MARCHF4: variants seen among roughly 807,000 people sequenced by gnomAD.
MARCHF4 encodes membrane associated ring-CH-type finger 4, also known as E3 ubiquitin-protein ligase MARCHF4.
A neutral mutation model predicts 43.9 loss-of-function variants in MARCHF4; 14 were observed. The ratio of observed to expected loss-of-function variants is 0.32; its 90% CI spans 0.21 to 0.50. The LOEUF is 0.50. Ranked by LOEUF, MARCHF4 falls within the 20% of genes least tolerant of loss-of-function variation. The pLI is 0.98. For synonymous variants in MARCHF4, 226 were observed against 213.3 expected, an observed-to-expected ratio of 1.06 and a Z score of -0.52; for missense variants, 468 against 536.7, an observed-to-expected ratio of 0.87 and a Z score of 1.27.
chr2:216,291,101 AGG>A (rs1469291806), intron 1 of MARCHF4, among the ~76,000 whole-genome samples: 2 of 152,262 alleles, frequency 1.3e-5, no homozygotes, highest in South Asian at 4.1e-4. Flanking sequence ...AGGAAAAGGA[AGG>A]GGTGCCAGAG....
rs929834759 is a variant in MARCHF4 at position 216,322,522 on chromosome 2, G to A, written c.517-38793C>T. 3.3e-5 allele frequency among the ~76,000 whole-genome samples: 5 copies of A among 152,228 alleles called. No homozygotes were observed. The East Asian group carries it at 5.8e-4, about 18-fold the overall frequency. ...GGGTCTTAGCAGTCATCAGATTATCGGATTAAGAACTGGTCTCGGCCAGGC... is the reference window on the plus strand; with the variant it reads ...GGGTCTTAGCAGTCATCAGATTATCAGATTAAGAACTGGTCTCGGCCAGGC... On this transcript the variant is annotated intron_variant, in intron 1 of 3. Transcript: ENST00000273067.
intron 2 of MARCHF4, among the ~76,000 whole-genome samples, chr2:216,279,170 G>C (rs1040143322): frequency 1.3e-5 from 2 of 152,204 alleles, no homozygotes; most frequent in Non-Finnish European, 2.9e-5. Flanking sequence ...AGCAATACTT[G>C]AGCTGACTAA....
chr2:216,335,894 C>T (rs1026189266), intron 1 of MARCHF4, among the ~76,000 whole-genome samples: 6 of 151,554 alleles, frequency 4.0e-5, no homozygotes, highest in South Asian at 4.2e-4. Flanking sequence ...ATGTTGAAAC[C>T]CCATCTCTAC....
In MARCHF4 at chr2:216,370,151, A is replaced by G. The variant is rs374271651; in HGVS notation, c.110T>C (p.Leu37Pro). The change falls in exon 1 of 4, where the codon CTC becomes CCC. Residue 37 changes from leucine (L) to proline (P), a missense_variant. This residue lies in a region of MARCHF4 where 190 missense variants were observed against 158.5 expected (regional missense o/e 1.20). Transcript: ENST00000273067. ...PAPQMLRHQG[L>P]LKCRCRMLFN... ...GAGCATGCGGCAGCGGCACTTGAGG[A>G]GACCCTGGTGGCGCAACATCTGGGG... 1.2e-6 allele frequency: 2 copies of G among 1,609,980 alleles called. No homozygotes were observed. The highest frequency in any genetic ancestry group is 2.2e-5 in the South Asian group (2 of 90,226).
At chr2:216,354,234 A>T (rs1489369478) in intron 1 of MARCHF4, among the ~76,000 whole-genome samples, 2 of 152,214 alleles carry the variant, frequency 1.3e-5, no homozygotes, top group Non-Finnish European at 2.9e-5. Context: ...AAATGCGGTG[A>T]GAGAGAGACA....
intron 1 of MARCHF4, among the ~76,000 whole-genome samples, chr2:216,338,163 TA>T (rs1692185636): frequency 1.3e-5 from 2 of 152,168 alleles, no homozygotes; most frequent in African/African-American, 4.8e-5. Flanking sequence ...CCAGCAATCA[TA>T]CCAAGCATCC....
chr2:216,295,449 G>C (rs1340771133), intron 1 of MARCHF4, among the ~76,000 whole-genome samples: 10 of 152,104 alleles, frequency 6.6e-5, no homozygotes. Flanking sequence ...TTGTAGAGAT[G>C]GGGTCTCGCC....
At chr2:216,361,492 A>G (rs1194168489) in intron 1 of MARCHF4, among the ~76,000 whole-genome samples, 3 of 151,978 alleles carry the variant, frequency 2.0e-5, no homozygotes, top group African/African-American at 7.3e-5. Context: ...TCTGCCCCTG[A>G]CCTCTAGGTA....
intron 1 of MARCHF4, among the ~76,000 whole-genome samples, chr2:216,327,695 G>A (rs1692017388): frequency 6.6e-6 from 1 of 152,184 alleles, no homozygotes; most frequent in Admixed American, 6.5e-5. Context: ...CATGAAATGA[G>A]ATAAGAAAGG....
At position 216,284,534 on chromosome 2, in the gene MARCHF4, C is replaced by T. The variant is rs190877563; in HGVS notation, c.517-805G>A. ...AGTCTGGAGTGCAGTGGCACGATTGCGGCTAACTGCAACCTTGATCTTCTG... is the reference window on the plus strand; with the variant it reads ...AGTCTGGAGTGCAGTGGCACGATTGTGGCTAACTGCAACCTTGATCTTCTG... On this transcript the variant is annotated intron_variant, in intron 1 of 3. Transcript: ENST00000273067. Among the ~76,000 whole-genome samples, 12 of 152,254 alleles carry T rather than the reference C, an allele frequency of 7.9e-5. No individual in the cohort carries two copies. The South Asian group carries it at 8.3e-4, about 11-fold the overall frequency.
intron 1 of MARCHF4, among the ~76,000 whole-genome samples, chr2:216,357,416 G>T (rs1222596382): frequency 6.6e-6 from 1 of 152,200 alleles, no homozygotes; most frequent in Non-Finnish European, 1.5e-5. Context: ...CTGCCTCTGG[G>T]TTCAAGCAAT....
At chr2:216,270,194 G>A (rs143750788) in intron 3 of MARCHF4, among the ~76,000 whole-genome samples, 1 of 152,120 alleles carries the variant, frequency 6.6e-6, no homozygotes, top group African/African-American at 2.4e-5. Flanking sequence ...TCCTGTCTCA[G>A]CCTCCTGAGT....
chr2:216,367,399 C>T (rs1371401170), intron 1 of MARCHF4, among the ~76,000 whole-genome samples: 1 of 151,400 alleles, frequency 6.6e-6, no homozygotes, highest in African/African-American at 2.4e-5. Flanking sequence ...TCTTCCTTTT[C>T]TAGAGTTTCC....
At chr2:216,296,587 A>C (rs1691399479) in intron 1 of MARCHF4, among the ~76,000 whole-genome samples, 1 of 152,208 alleles carries the variant, frequency 6.6e-6, no homozygotes, top group Admixed American at 6.5e-5. Context: ...GCAGAAAGTG[A>C]AAGCAGGGTC....
chr2:216,332,701 C>T (rs1031622741), intron 1 of MARCHF4, among the ~76,000 whole-genome samples: 28 of 152,114 alleles, frequency 1.8e-4, no homozygotes, highest in South Asian at 8.3e-4. Context: ...AATATAAAGA[C>T]GGTCGTCTCC....
At chr2:216,361,366 C>A (rs1053168141) in intron 1 of MARCHF4, among the ~76,000 whole-genome samples, 6 of 152,160 alleles carry the variant, frequency 3.9e-5, no homozygotes, top group Admixed American at 3.3e-4. Context: ...TCCATCCCAT[C>A]CCAGGCTTTC....
At chr2:216,294,253 G>A (rs898700924) in intron 1 of MARCHF4, among the ~76,000 whole-genome samples, 5 of 152,250 alleles carry the variant, frequency 3.3e-5, no homozygotes, top group South Asian at 2.1e-4. Flanking sequence ...TGCCTCTTAC[G>A]AGCAGCCTTC....
intron 1 of MARCHF4, among the ~76,000 whole-genome samples, chr2:216,324,129 G>T (rs2105965972): frequency 6.9e-6 from 1 of 145,694 alleles, no homozygotes; most frequent in East Asian, 2.0e-4. Flanking sequence ...ATGATAAAGG[G>T]GATATCACCA....
intron 3 of MARCHF4, among the ~76,000 whole-genome samples, chr2:216,274,650 C>T (rs576173530): frequency 1.3e-5 from 2 of 152,318 alleles, no homozygotes; most frequent in African/African-American, 2.4e-5. Context: ...CATTGCCTTG[C>T]ACCTCCCACT....
Sources: gnomAD v4.1 joint callset for allele counts (sites outside exome capture counted in the v4.1 genomes callset) on GRCh38, gnomAD v4.1.1 for gene constraint, gnomAD v4.1.1 regional missense constraint, MANE v1.5 for transcripts, NCBI Gene and HGNC (gene_info 2026-07-23, HGNC 2026-07-21) for gene names.